The following PARP9 variants were observed in gnomAD, a reference collection of about 807,000 sequenced individuals.
PARP9 encodes the protein protein mono-ADP-ribosyltransferase PARP9.
PARP9 carries 48 observed loss-of-function variants against 68.8 expected under a neutral mutation model. That is an observed-to-expected ratio of 0.70 (90% CI 0.55 to 0.89). PARP9 has a LOEUF of 0.89. Among genes scored for constraint, PARP9 ranks in the 40% least tolerant of loss-of-function variants. The pLI, the probability that PARP9 is intolerant of heterozygous loss-of-function variation, is 0.00. For missense variants in PARP9, 806 were observed against 969.3 expected (o/e 0.83, Z 2.24); for synonymous variants, 309 against 333.8 (o/e 0.93, Z 0.81).
intron 1 of PARP9, among the ~76,000 whole-genome samples, chr3:122,562,559 A>C (rs996034603): frequency 6.6e-6 from 1 of 152,194 alleles, no homozygotes; most frequent in Non-Finnish European, 1.5e-5. Flanking sequence ...AATAGGTATT[A>C]CATTTACATG....
At position 122,563,834 on chromosome 3, in the gene PARP9, A is replaced by C. The variant is rs80286902; in HGVS notation, c.-90+411T>G. ...CCGCCTCCCCTCACCAGCCCTTGAC[A>C]TCAGGGCCTTGCTCTGCTCTTTGGG... On this transcript the variant is annotated intron_variant, in intron 1 of 10. Coordinates refer to ENST00000682323, the MANE Select transcript of PARP9 (RefSeq NM_001146105.2). Among the ~76,000 whole-genome samples, 2,015 of 152,242 alleles carry C rather than the reference A, an allele frequency of 0.013. 18 individuals are homozygous for C. Among genetic ancestry groups the C allele is most frequent in the South Asian group, 0.031 (151 of 4,822 alleles).
chr3:122,535,030 C>T (rs2077544449), intron 10 of PARP9: 1 of 979,440 alleles, frequency 1.0e-6, no homozygotes, highest in Admixed American at 6.2e-5. Flanking sequence ...AGGCAAGTAG[C>T]AGAGTCTGTC....
chr3:122,551,238 A>G (rs1028245204), intron 5 of PARP9, among the ~76,000 whole-genome samples: 12 of 152,192 alleles, frequency 7.9e-5, no homozygotes, highest in Non-Finnish European at 7.3e-5. Flanking sequence ...TCTCTTGGAG[A>G]AATGCTAATA....
intron 10 of PARP9, chr3:122,533,523 A>T: frequency 3.7e-6 from 1 of 266,806 alleles, no homozygotes; most frequent in African/African-American, 2.3e-5. Flanking sequence ...GGGACATCGT[A>T]GAGGAAAAAA....
In PARP9 at chr3:122,528,374, G is replaced by A; in HGVS notation, c.2450C>T (p.Pro817Leu). The change falls in exon 11 of 11, where the codon CCT becomes CTT. Residue 817 changes from proline to leucine, a missense_variant. By Grantham distance (98) the Pro-to-Leu change is moderately conservative. Around this residue, in one of 2 missense-constraint regions of PARP9, gnomAD observed 680 missense variants for 858.8 expected, o/e 0.79. Coordinates refer to ENST00000682323, the MANE Select transcript of PARP9 (RefSeq NM_001146105.2). ...AAAATGATGTAGAGATTAATCAACA[G>A]GGCTGCCACTTGCGAATCCCCTCCA... The part of the protein sequence containing the change: ...HPWRGFASGS[P>L]VD The A allele has an allele frequency of 1.2e-6, 2 of 1,612,822 alleles. No individual in the cohort carries two copies. The highest frequency in any genetic ancestry group is 2.2e-5 in the South Asian group (2 of 90,886).
chr3:122,536,950 C>G lies in PARP9; in HGVS notation c.1889G>C (p.Gly630Ala). The change falls in exon 9 of 11, where the codon GGT becomes GCT. Residue 630 changes from glycine to alanine, a missense_variant. Transcript: ENST00000682323. ...TAGGTATACCTTTAGAACCTGCAAA[C>G]CACATTTTTCAAACTGTTTCTTTTG... is the stretch of plus-strand genomic sequence containing the variant. ...LDQKKQFEKC[G>A]LQVLKVEKID... is the part of the protein sequence containing the mutation. 1.2e-6 allele frequency: 2 copies of G among 1,612,828 alleles called. No individual in the cohort carries two copies. Among genetic ancestry groups the G allele is most frequent in the African/African-American group, 2.7e-5 (2 of 74,926 alleles).
Position 122,555,833 on chromosome 3 carries a change from C to A in PARP9, c.338G>T (p.Gly113Val). The A allele has an allele frequency of 6.2e-7, 1 of 1,613,992 alleles. No individual in the cohort carries two copies. The change falls in exon 4 of 11, where the codon GGC (glycine) becomes GTC (valine). Residue 113 changes from glycine (G) to valine (V), a missense_variant. Transcript: ENST00000682323. ...AANEDLLHGG[G>V]LALALVKAGG... ...AGCTTTTACCAGGGCCAGGGCCAGG[C>A]CTCCCCCATGCAGAAGATCTTCATT...
chr3:122,528,086 A>C lies in PARP9; in HGVS notation c.*278T>G. 3.9e-6 allele frequency: 1 copy of C among 255,824 alleles called. No individual in the cohort carries two copies. The highest frequency in any genetic ancestry group is 1.4e-4 in the South Asian group (1 of 7,274). 15.8% of individuals were successfully genotyped at this position (255,824 alleles called of 1,614,324 possible). A position where few individuals can be genotyped will look rare whatever the true frequency, so the allele number is the denominator to read the frequency against. On this transcript the variant is annotated 3_prime_UTR_variant, in exon 11 of 11. Transcript: ENST00000682323. ...GAAAAATTTCTTCATTATATGCAAAATATTTATCTCCTCTAGTAAAGGAGA... is the reference window on the plus strand; with the variant it reads ...GAAAAATTTCTTCATTATATGCAAACTATTTATCTCCTCTAGTAAAGGAGA...
intron 6 of PARP9, among the ~76,000 whole-genome samples, chr3:122,547,366 A>G (rs1034621810): frequency 6.6e-6 from 1 of 151,902 alleles, no homozygotes; most frequent in Admixed American, 6.6e-5. Context: ...AAGGGCTGGG[A>G]TTACAGGCAT....
intron 10 of PARP9, chr3:122,532,003 G>A (rs1576373596): frequency 1.1e-5 from 4 of 372,456 alleles, no homozygotes; most frequent in East Asian, 1.6e-4. Context: ...TCAAGAGGGG[G>A]CAGAACAATG....
intron 8 of PARP9, among the ~76,000 whole-genome samples, chr3:122,539,601 C>T (rs2078024902): frequency 7.3e-6 from 1 of 136,714 alleles, no homozygotes; most frequent in African/African-American, 2.9e-5. Context: ...GCTTTTGTTG[C>T]CCAGGCTGGA....
At chr3:122,530,724 T>C (rs961608626) in intron 10 of PARP9, among the ~76,000 whole-genome samples, 5 of 152,160 alleles carry the variant, frequency 3.3e-5, no homozygotes, top group African/African-American at 1.2e-4. Flanking sequence ...ACTTTTAGGC[T>C]CAAGAGCAGA....
Position 122,536,088 on chromosome 3 carries a change from T to C in PARP9, c.2080+80A>G, listed in dbSNP as rs775753366. 5 of 1,606,870 alleles carry C rather than the reference T, an allele frequency of 3.1e-6. No individual in the cohort carries two copies. In the Admixed American group the frequency reaches 5.0e-5, roughly 16 times the overall value. On this transcript the variant is annotated intron_variant, in intron 10 of 10. Coordinates refer to ENST00000682323, the MANE Select transcript of PARP9 (RefSeq NM_001146105.2). ...ATGATCCCTTCCCCACAACAACAAA[T>C]GCTATCAGTGGAAGAATCTACTGAT...
In PARP9 at chr3:122,534,445, A is replaced by G. The variant is rs979553308; in HGVS notation, c.2080+1723T>C. 5 of 985,282 alleles carry G rather than the reference A, an allele frequency of 5.1e-6. No homozygotes were observed. The African/African-American group carries it at 7.0e-5, about 14-fold the overall frequency. 61.0% of individuals were successfully genotyped at this position (985,282 alleles called of 1,614,324 possible). A position where few individuals can be genotyped will look rare whatever the true frequency, so the allele number is the denominator to read the frequency against. On this transcript the variant is annotated intron_variant, in intron 10 of 10. Transcript: ENST00000682323. The stretch of plus-strand genomic sequence containing the variant: ...TCTATACCTGTTCGGCAGCATGTAG[A>G]TAAGTGGTGTGAGCCAGTGGCTGTT...
At chr3:122,528,776 T>C in intron 10 of PARP9, 33 bp from the exon 11 acceptor site, 1 of 1,500,802 alleles carries the variant, frequency 6.7e-7, no homozygotes, top group Non-Finnish European at 9.0e-7. Flanking sequence ...AAAAAGATTA[T>C]TATAATCTGG....
At chr3:122,531,109 AT>A (rs1321840599) in intron 10 of PARP9, among the ~76,000 whole-genome samples, 1 of 152,210 alleles carries the variant, frequency 6.6e-6, no homozygotes. Context: ...TCCGGTGTGT[AT>A]TTTATACTTA....
intron 6 of PARP9, 58 bp downstream of exon 6, chr3:122,550,526 T>C: frequency 7.4e-7 from 1 of 1,357,206 alleles, no homozygotes; most frequent in African/African-American, 1.4e-5. Flanking sequence ...TAAACAGATG[T>C]TGCTGAATGA....
At position 122,528,454 on chromosome 3, in the gene PARP9, A is replaced by C. The variant is rs756885652; in HGVS notation, c.2370T>G (p.Tyr790Ter). The C allele has an allele frequency of 6.2e-7, 1 of 1,614,220 alleles. No individual in the cohort carries two copies. Among genetic ancestry groups the C allele is most frequent in the Non-Finnish European group, 8.5e-7 (1 of 1,180,042 alleles). ...PQYLWTCTQEYVQSQDYSSGP... is the reference protein window; with the variant it reads ...PQYLWTCTQE ...CTGATGAGTAATCTTGTGACTGTACATATTCCTGGGTGCATGTCCACAAAT... is the reference window on the plus strand; with the variant it reads ...CTGATGAGTAATCTTGTGACTGTACCTATTCCTGGGTGCATGTCCACAAAT... Residue 790 changes from tyrosine (Y) to a stop codon, truncating the protein, a stop_gained, in exon 11 of 11, where the codon TAT (tyrosine) becomes TAG (stop). Coordinates refer to ENST00000682323, the MANE Select transcript of PARP9 (RefSeq NM_001146105.2). LOFTEE classifies it low-confidence loss of function (END_TRUNC).
intron 8 of PARP9, among the ~76,000 whole-genome samples, chr3:122,537,839 C>T (rs908243386): frequency 4.6e-5 from 7 of 152,000 alleles, no homozygotes; most frequent in African/African-American, 1.7e-4. Context: ...TTCCTTCCTT[C>T]CTCCTTCCTT....
Sources: gnomAD v4.1 joint callset for allele counts (sites outside exome capture counted in the v4.1 genomes callset) on GRCh38, gnomAD v4.1.1 for gene constraint, gnomAD v4.1.1 regional missense constraint, MANE v1.5 for transcripts, NCBI Gene and HGNC (gene_info 2026-07-23, HGNC 2026-07-21) for gene names.